The following UTP15 variants were observed in gnomAD, a reference collection of about 807,000 sequenced individuals.
The protein encoded by UTP15 is U3 small nucleolar RNA-associated protein 15 homolog.
In UTP15, 5 loss-of-function variants were observed where a neutral mutation model predicts 59.1. The ratio of observed to expected loss-of-function variants is 0.08; its 90% CI spans 0.04 to 0.18. UTP15 has a LOEUF of 0.18. Among genes scored for constraint, UTP15 ranks in the 10% least tolerant of loss-of-function variants. The probability of loss-of-function intolerance (pLI) is 1.00; values close to 1 mark genes in which losing one functional copy is unlikely to be tolerated. For missense variants in UTP15, 494 were observed against 616.7 expected (o/e 0.80, Z 2.11); for synonymous variants, 211 against 212.2 (o/e 0.99, Z 0.05).
intron 7 of UTP15, among the ~76,000 whole-genome samples, chr5:73,575,536 G>A (rs1032425283): frequency 1.3e-5 from 2 of 151,296 alleles, no homozygotes; most frequent in African/African-American, 4.9e-5. Flanking sequence ...TTGGCTTCAT[G>A]TGTACTTTCT....
Position 73,576,990 on chromosome 5 carries a change from T to C in UTP15, c.848T>C (p.Val283Ala). Reference sequence around the variant, plus strand: ...TACAGCACAACTTCCTACAAAGTAGTCCACAGTTTTGATTATGCAGCTTCA... The same window carrying C: ...TACAGCACAACTTCCTACAAAGTAGCCCACAGTTTTGATTATGCAGCTTCA... ...KVYSTTSYKV[V>A]HSFDYAASIL... Residue 283 changes from valine (V) to alanine (A), a missense_variant, in exon 8 of 13, where the codon GTC becomes GCC. Val to Ala is a moderately conservative substitution (Grantham distance 64). Transcript: ENST00000296792. 1 of 1,610,900 alleles carries C rather than the reference T, an allele frequency of 6.2e-7. No individual in the cohort carries two copies. The highest frequency in any genetic ancestry group is 8.5e-7 in the Non-Finnish European group (1 of 1,179,244).
Position 73,580,059 on chromosome 5 carries a change from G to T in UTP15, c.1522G>T (p.Asp508Tyr). ...EGTSVLEHTSDGFPENKKIES is the reference protein window; with the variant it reads ...EGTSVLEHTSYGFPENKKIES ...CACTTCTGTGTTGGAACACACATCT[G>T]ATGGATTTCCAGAGAATAAGAAGAT... The change falls in exon 13 of 13, where the codon GAT becomes TAT. Residue 508 changes from aspartate to tyrosine, a missense_variant. Asp to Tyr is a radical substitution (Grantham distance 160). Coordinates refer to ENST00000296792, the MANE Select transcript of UTP15 (RefSeq NM_032175.4). The T allele has an allele frequency of 2.5e-6, 4 of 1,613,728 alleles. No homozygotes were observed. The highest frequency in any genetic ancestry group is 1.1e-5 in the South Asian group (1 of 91,048).
intron 7 of UTP15, among the ~76,000 whole-genome samples, 154 bp from the exon 8 acceptor site, chr5:73,576,798 G>C (rs1036847861): frequency 6.6e-6 from 1 of 152,158 alleles, no homozygotes; most frequent in Non-Finnish European, 1.5e-5. Flanking sequence ...AAGGGATTCA[G>C]TGATGAATTA....
intron 2 of UTP15, 72 bp downstream of exon 2, chr5:73,567,506 G>A: frequency 1.8e-6 from 2 of 1,109,036 alleles, no homozygotes; most frequent in South Asian, 1.6e-5. Flanking sequence ...GTTATACTCT[G>A]GATGCTCTAA....
chr5:73,569,730 A>G lies in UTP15; in HGVS notation c.547+55A>G, dbSNP rs530514827. On this transcript the variant is annotated intron_variant, in intron 5 of 12. Coordinates refer to ENST00000296792, the MANE Select transcript of UTP15 (RefSeq NM_032175.4). ...AATAATCTCACGGGGATGTACTTTA[A>G]TGTTGCTATGGGACTCTTTTGGGAT... is the stretch of plus-strand genomic sequence containing the variant. 212 of 1,430,630 alleles carry G rather than the reference A, an allele frequency of 1.5e-4. No individual in the cohort carries two copies. The African/African-American group carries it at 2.9e-3, about 19-fold the overall frequency. 88.6% of individuals were successfully genotyped at this position (1,430,630 alleles called of 1,614,324 possible).
In UTP15 at chr5:73,578,846, T is replaced by A; in HGVS notation, c.1140T>A (p.Val380=). 1 of 1,605,704 alleles carries A rather than the reference T, an allele frequency of 6.2e-7. No individual in the cohort carries two copies. ...GGATCTCTAAGGCACTCGATAGAGT[T>A]CTTGATGTGAGTGAGCATTTTTTAA... ...HFRISKALDR[V]LDPTCTIKTP... The change falls in exon 10 of 13, where the codon GTT becomes GTA. Residue 380 remains valine (V), a synonymous_variant. Coordinates refer to ENST00000296792, the MANE Select transcript of UTP15 (RefSeq NM_032175.4).
rs955799981 is a variant in UTP15, at chr5:73,577,048, T to C, written c.894+12T>C. ...GTCTTGCCCTTGCAGTAAGTACCTT[T>C]ACCTATTTTTAAGTCTGTCACTAAC... On this transcript the variant is annotated intron_variant, in intron 8 of 12. Transcript: ENST00000296792. 2 of 1,584,152 alleles carry C rather than the reference T, an allele frequency of 1.3e-6. No homozygotes were observed. Among genetic ancestry groups the C allele is most frequent in the Admixed American group, 1.9e-5 (1 of 52,762 alleles).
At position 73,582,689 on chromosome 5, in the gene UTP15, G is replaced by A. The variant is rs368778203; in HGVS notation, c.*2595G>A. 2 of 152,300 alleles carry A rather than the reference G, an allele frequency of 1.3e-5. No individual in the cohort carries two copies. Among genetic ancestry groups the A allele is most frequent in the South Asian group, 2.1e-4 (1 of 4,826 alleles). The allele number at this position is 152,300 out of a possible 1,614,324, so 9.4% of individuals were successfully genotyped here. On this transcript the variant is annotated 3_prime_UTR_variant, in exon 13 of 13. Transcript: ENST00000296792. ...AAGGCATGAGCCACTGCGCCCAGCAGGAATGGTTATTATATTCATTGAGAT... is the reference window on the plus strand; with the variant it reads ...AAGGCATGAGCCACTGCGCCCAGCAAGAATGGTTATTATATTCATTGAGAT...
intron 7 of UTP15, among the ~76,000 whole-genome samples, chr5:73,574,765 C>A (rs1004290418): frequency 6.6e-6 from 1 of 152,142 alleles, no homozygotes; most frequent in African/African-American, 2.4e-5. Flanking sequence ...GGATTACTGG[C>A]GTGAGCCACC....
intron 8 of UTP15, among the ~76,000 whole-genome samples, 168 bp from the exon 9 acceptor site, chr5:73,577,688 G>A (rs934899610): frequency 3.9e-5 from 6 of 152,076 alleles, no homozygotes; most frequent in African/African-American, 9.7e-5. Context: ...AAATGATTTC[G>A]CTTTAACGTC....
At chr5:73,570,774 G>C in intron 6 of UTP15, 63 bp downstream of exon 6, 3 of 1,593,608 alleles carry the variant, frequency 1.9e-6, no homozygotes, top group Non-Finnish European at 1.7e-6. Flanking sequence ...TTTAAAATCA[G>C]TTGCTCTTTG....
chr5:73,582,905 C>T lies in UTP15; in HGVS notation c.*2811C>T, dbSNP rs1273736617. 6.6e-6 allele frequency: 1 copy of T among 152,068 alleles called. No homozygotes were observed. Among genetic ancestry groups the T allele is most frequent in the Non-Finnish European group, 1.5e-5 (1 of 68,014 alleles). 9.4% of individuals were successfully genotyped at this position (152,068 alleles called of 1,614,324 possible). Reference sequence around the variant, plus strand: ...TGTTTCAGAGAACTTGGAAAGTCACCGTATGTTTAATTTATTATGTTTATG... The same window carrying T: ...TGTTTCAGAGAACTTGGAAAGTCACTGTATGTTTAATTTATTATGTTTATG... On this transcript the variant is annotated 3_prime_UTR_variant, in exon 13 of 13. Coordinates refer to ENST00000296792, the MANE Select transcript of UTP15 (RefSeq NM_032175.4).
chr5:73,578,003 C>T lies in UTP15; in HGVS notation c.1042C>T (p.Arg348Trp), dbSNP rs148602948. 5.0e-5 allele frequency: 79 copies of T among 1,582,564 alleles called. No individual in the cohort carries two copies. The highest frequency in any genetic ancestry group is 9.7e-5 in the African/African-American group (7 of 72,184). Reference sequence around the variant, plus strand: ...TAAAGGAAAAAATTACATGAAGCAACGGGTATTTGTGCATTTCTCATATTT... The same window carrying T: ...TAAAGGAAAAAATTACATGAAGCAATGGGTATTTGTGCATTTCTCATATTT... ...FIKGKNYMKQ[R>W]DDILINRPAK... is the part of the protein sequence containing the mutation. Residue 348 changes from arginine to tryptophan, a missense_variant and splice_region_variant, in exon 9 of 13, where the codon CGG becomes TGG. Arg to Trp is a moderately radical substitution (Grantham distance 101). Coordinates refer to ENST00000296792, the MANE Select transcript of UTP15 (RefSeq NM_032175.4).
Position 73,580,281 on chromosome 5 carries a change from A to G in UTP15, c.*187A>G. ...TAAGTAAGACATGGTTTTCCATGTA[A>G]TATTTTGAATTATAGCATCTTCACC... On this transcript the variant is annotated 3_prime_UTR_variant, in exon 13 of 13. Coordinates refer to ENST00000296792, the MANE Select transcript of UTP15 (RefSeq NM_032175.4). The G allele has an allele frequency of 2.0e-6, 1 of 504,204 alleles. No homozygotes were observed. The highest frequency in any genetic ancestry group is 2.6e-5 in the South Asian group (1 of 38,192). 31.2% of individuals were successfully genotyped at this position (504,204 alleles called of 1,614,324 possible). A position where few individuals can be genotyped will look rare whatever the true frequency, so the allele number is the denominator to read the frequency against.
rs1748320090 is a variant in UTP15, at chr5:73,581,715, ATTAAT to A, written c.*1626_*1630del. 1 of 151,842 alleles carries A rather than the reference ATTAAT, an allele frequency of 6.6e-6. No individual in the cohort carries two copies. Among genetic ancestry groups the A allele is most frequent in the Non-Finnish European group, 1.5e-5 (1 of 67,990 alleles). 9.4% of individuals were successfully genotyped at this position (151,842 alleles called of 1,614,324 possible). A position where few individuals can be genotyped will look rare whatever the true frequency, so the allele number is the denominator to read the frequency against. On this transcript the variant is annotated 3_prime_UTR_variant, in exon 13 of 13. Coordinates refer to ENST00000296792, the MANE Select transcript of UTP15 (RefSeq NM_032175.4). ...AAACGTATTAAGTTTAACATATTAA[ATTAAT>A]TTAACATTTAGACTAACATTAACAT...
chr5:73,565,806 A>AT lies in UTP15; in HGVS notation c.-185dup, dbSNP rs895675069. The AT allele has an allele frequency of 1.1e-5, 5 of 455,942 alleles. No individual in the cohort carries two copies. Among genetic ancestry groups the AT allele is most frequent in the South Asian group, 3.1e-5 (2 of 64,562 alleles). 28.2% of individuals were successfully genotyped at this position (455,942 alleles called of 1,614,324 possible). On this transcript the variant is annotated 5_prime_UTR_variant, in exon 1 of 13. Transcript: ENST00000296792. ...CGCCGGCTCCTTGAGGGTCCATGTG[A>AT]TTTTTACGCCAGTGCTGCTGAACTG...
At position 73,568,425 on chromosome 5, in the gene UTP15, C is replaced by T. The variant is rs1196923214; in HGVS notation, c.189C>T (p.His63=). Residue 63 remains histidine (H), a synonymous_variant, in exon 4 of 13, where the codon CAC becomes CAT. Coordinates refer to ENST00000296792, the MANE Select transcript of UTP15 (RefSeq NM_032175.4). The part of the protein sequence containing the change: ...NYAVTASSRI[H]IYGRYSQEPI... Reference sequence around the variant, plus strand: ...TACTGTTTTTCATCTTGTAGATTCACATTTATGGCCGATACTCCCAAGAAC... The same window carrying T: ...TACTGTTTTTCATCTTGTAGATTCATATTTATGGCCGATACTCCCAAGAAC... The T allele has an allele frequency of 6.2e-7, 1 of 1,608,120 alleles. No homozygotes were observed. Among genetic ancestry groups the T allele is most frequent in the Non-Finnish European group, 8.5e-7 (1 of 1,177,002 alleles).
At position 73,581,175 on chromosome 5, in the gene UTP15, C is replaced by G. The variant is rs1748292633; in HGVS notation, c.*1081C>G. ...GTTTAAGCAGTTCTCCTGCCTCAGCCTCCTGAGTAGCTGGGATTACAGGTG... is the reference window on the plus strand; with the variant it reads ...GTTTAAGCAGTTCTCCTGCCTCAGCGTCCTGAGTAGCTGGGATTACAGGTG... On this transcript the variant is annotated 3_prime_UTR_variant, in exon 13 of 13. Coordinates refer to ENST00000296792, the MANE Select transcript of UTP15 (RefSeq NM_032175.4). 1 of 151,998 alleles carries G rather than the reference C, an allele frequency of 6.6e-6. No individual in the cohort carries two copies. The highest frequency in any genetic ancestry group is 1.5e-5 in the Non-Finnish European group (1 of 68,060). The allele number at this position is 151,998 out of a possible 1,614,324, so 9.4% of individuals were successfully genotyped here. A position where few individuals can be genotyped will look rare whatever the true frequency, so the allele number is the denominator to read the frequency against.
intron 11 of UTP15, 71 bp downstream of exon 11, chr5:73,579,221 A>G: frequency 6.2e-7 from 1 of 1,604,784 alleles, no homozygotes; most frequent in South Asian, 1.1e-5. Flanking sequence ...AAAGACATTT[A>G]GTTTGATCTT....
Sources: gnomAD v4.1 joint callset for allele counts (sites outside exome capture counted in the v4.1 genomes callset) on GRCh38, gnomAD v4.1.1 for gene constraint, MANE v1.5 for transcripts, NCBI Gene and HGNC (gene_info 2026-07-23, HGNC 2026-07-21) for gene names.